HEATR6: variants seen among roughly 807,000 people sequenced by gnomAD.
HEATR6 encodes HEAT repeat containing 6, also known as HEAT repeat-containing protein 6.
HEATR6 carries 106 observed loss-of-function variants against 132.8 expected under a neutral mutation model. The ratio of observed to expected loss-of-function variants is 0.80; its 90% confidence interval spans 0.68 to 0.94. HEATR6 has a LOEUF of 0.94. Ranked by LOEUF, HEATR6 falls within the 40% of genes least tolerant of loss-of-function variation. The pLI is 0.00. For missense variants in HEATR6, 1,339 were observed against 1,425.1 expected (o/e 0.94, Z 0.97); for synonymous variants, 529 against 537.8 (o/e 0.98, Z 0.23).
At chr17:60,045,342 A>G (rs991617022) in intron 19 of HEATR6, among the ~76,000 whole-genome samples, 1 of 152,204 alleles carries the variant, frequency 6.6e-6, no homozygotes, top group African/African-American at 2.4e-5. Flanking sequence ...ACACATCCTT[A>G]GGTCTCAGAT....
At chr17:60,064,363 C>T in intron 9 of HEATR6, 1 of 157,210 alleles carries the variant, frequency 6.4e-6, no homozygotes, top group Non-Finnish European at 1.4e-5. Flanking sequence ...CCTACCACAA[C>T]ACTTTTTTCT....
intron 14 of HEATR6, among the ~76,000 whole-genome samples, chr17:60,051,221 A>G (rs954529494): frequency 1.3e-5 from 2 of 152,246 alleles, no homozygotes; most frequent in African/African-American, 4.8e-5. Flanking sequence ...ATAATAATCA[A>G]GAGGAGGCTG....
At chr17:60,049,770 A>G (rs1906518818) in intron 15 of HEATR6, 68 bp from the exon 16 acceptor site, 1 of 1,544,774 alleles carries the variant, frequency 6.5e-7, no homozygotes, top group Non-Finnish European at 8.8e-7. Context: ...CTTCCATAAA[A>G]GATGTGAAAT....
At position 60,066,324 on chromosome 17, in the gene HEATR6, A is replaced by C. The variant is rs770114865; in HGVS notation, c.1301T>G (p.Ile434Arg). 11 of 1,613,766 alleles carry C rather than the reference A, an allele frequency of 6.8e-6. No homozygotes were observed. The highest frequency in any genetic ancestry group is 9.3e-6 in the Non-Finnish European group (11 of 1,179,858). ...GTAGCCATAAAGAACTTTTTTTTCT[A>C]TCGATTTTATAGTAGAAAGAAAACA... ...LVCFLSTIKS[I>R]EKKVLYGYWS... The change falls in exon 9 of 20, where the codon ATA (isoleucine) becomes AGA (arginine). Residue 434 changes from isoleucine to arginine, a missense_variant. By Grantham distance (97) the Ile-to-Arg change is moderately conservative. Coordinates refer to ENST00000184956, the MANE Select transcript of HEATR6 (RefSeq NM_022070.5).
chr17:60,077,976 A>G (rs1382743144), intron 1 of HEATR6, among the ~76,000 whole-genome samples: 1 of 152,162 alleles, frequency 6.6e-6, no homozygotes, highest in Non-Finnish European at 1.5e-5. Flanking sequence ...TGGATGATGC[A>G]TGTGTGTTGG....
In HEATR6 at chr17:60,067,549, C is replaced by T. The variant is rs1024909730; in HGVS notation, c.1123G>A (p.Gly375Arg). The change falls in exon 8 of 20, where the codon GGA becomes AGA. Residue 375 changes from glycine to arginine, a missense_variant. Transcript: ENST00000184956. ...GAGACTCCATCTTTTTCTGCAGCTC[C>T]ACTTCCATCTAAAGGCAAACTCTGG... ...GVQSLPLDGS[G>R]AAEKDGVSSS... The T allele has an allele frequency of 1.9e-6, 3 of 1,613,546 alleles. No homozygotes were observed. Among genetic ancestry groups the T allele is most frequent in the Non-Finnish European group, 2.5e-6 (3 of 1,179,782 alleles).
rs1453844342 is a variant in HEATR6 at position 60,041,437 on chromosome 17, C to T, written c.*2126G>A. Among the ~76,000 whole-genome samples, 3 of 152,050 alleles carry T rather than the reference C, an allele frequency of 2.0e-5. No homozygotes were observed. The highest frequency in any genetic ancestry group is 7.2e-5 in the African/African-American group (3 of 41,394). On this transcript the variant is annotated 3_prime_UTR_variant, in exon 20 of 20. Transcript: ENST00000184956. ...GAATCACAGTAATAAGCTGTCTATG[C>T]CATATTTTTTTTTTCCTTTTTTGAA...
chr17:60,064,665 T>C (rs1256365059), intron 9 of HEATR6: 10 of 152,094 alleles, frequency 6.6e-5, no homozygotes, highest in African/African-American at 2.4e-4. Flanking sequence ...AAGTTCTGTA[T>C]CTTTTTTCCT....
chr17:60,071,057 A>C (rs2083267740), intron 5 of HEATR6, among the ~76,000 whole-genome samples: 1 of 152,232 alleles, frequency 6.6e-6, no homozygotes, highest in Admixed American at 6.5e-5. Context: ...ATAAACCACT[A>C]TGTACAAATG....
intron 9 of HEATR6, among the ~76,000 whole-genome samples, chr17:60,061,295 G>C (rs773931888): frequency 3.3e-5 from 5 of 152,188 alleles, no homozygotes; most frequent in African/African-American, 4.8e-5. Context: ...GCCTTTTATA[G>C]AGTGGAGTCG....
At chr17:60,048,160 A>T (rs1906436088) in intron 17 of HEATR6, 104 bp downstream of exon 17, 2 of 1,197,002 alleles carry the variant, frequency 1.7e-6, no homozygotes, top group South Asian at 1.8e-5. Flanking sequence ...TGACTGCATA[A>T]TATGCGGGAA....
intron 10 of HEATR6, 64 bp downstream of exon 10, chr17:60,059,826 T>C (rs1323377663): frequency 6.7e-6 from 8 of 1,195,672 alleles, no homozygotes; most frequent in Non-Finnish European, 9.9e-6. Context: ...TTTTGAGCTA[T>C]GTAAAACAGT....
intron 6 of HEATR6, 96 bp downstream of exon 6, chr17:60,070,610 A>G: frequency 1.8e-6 from 1 of 565,698 alleles, no homozygotes; most frequent in Non-Finnish European, 3.1e-6. Flanking sequence ...AGAACTTTTA[A>G]TACCTCAAAG....
chr17:60,078,103 C>A (rs1486380848), intron 1 of HEATR6, among the ~76,000 whole-genome samples: 1 of 152,168 alleles, frequency 6.6e-6, no homozygotes, highest in East Asian at 1.9e-4. Context: ...TTCCCTCTTT[C>A]CTACGTAGGG....
chr17:60,053,112 T>A (rs1172581162), intron 14 of HEATR6, among the ~76,000 whole-genome samples: 2 of 152,164 alleles, frequency 1.3e-5, no homozygotes, highest in Non-Finnish European at 2.9e-5. Flanking sequence ...TGCAGGCAGA[T>A]CCCTACTGAA....
chr17:60,076,981 G>A (rs1165870642), intron 1 of HEATR6, among the ~76,000 whole-genome samples: 3 of 149,958 alleles, frequency 2.0e-5, no homozygotes, highest in Non-Finnish European at 4.4e-5. Context: ...CTATTTGCAA[G>A]TCACACTCTT....
In HEATR6 at chr17:60,056,137, G is replaced by A; in HGVS notation, c.2180C>T (p.Ser727Phe). 2.5e-6 allele frequency: 4 copies of A among 1,614,026 alleles called. No individual in the cohort carries two copies. In the South Asian group the frequency reaches 4.4e-5, roughly 18 times the overall value. ...ICKCMGEADP[S>F]IQLHGAKLLE... ...TACCTTTGCTCCATGAAGCTGAATG[G>A]ATGGATCTGCTTCCCCCATGCACTT... Residue 727 changes from serine to phenylalanine, a missense_variant, in exon 13 of 20, where the codon TCC becomes TTC. By Grantham distance (155) the Ser-to-Phe change is radical (BLOSUM62 -2). Coordinates refer to ENST00000184956, the MANE Select transcript of HEATR6 (RefSeq NM_022070.5).
At chr17:60,072,070 T>C (rs2083272083) in intron 5 of HEATR6, 145 bp downstream of exon 5, 3 of 412,628 alleles carry the variant, frequency 7.3e-6, no homozygotes, top group East Asian at 3.6e-5. Context: ...GGTATGATTT[T>C]AGTCTTTTTA....
At position 60,042,094 on chromosome 17, in the gene HEATR6, T is replaced by C. The variant is rs530505243; in HGVS notation, c.*1469A>G. 6.6e-6 allele frequency among the ~76,000 whole-genome samples: 1 copy of C among 152,340 alleles called. No individual in the cohort carries two copies. Among genetic ancestry groups the C allele is most frequent in the Admixed American group, 6.5e-5 (1 of 15,308 alleles). The stretch of plus-strand genomic sequence containing the variant: ...CCCTCTTTGTAACCAACTAACCAAA[T>C]GATCTTTTCTTAAAGGCACAAATTA... On this transcript the variant is annotated 3_prime_UTR_variant, in exon 20 of 20. Transcript: ENST00000184956.
Sources: allele counts gnomAD v4.1 joint callset (sites outside exome capture counted in the v4.1 genomes callset), GRCh38; gene constraint gnomAD v4.1.1; transcripts MANE v1.5; gene names NCBI Gene and HGNC (gene_info 2026-07-23, HGNC 2026-07-21).